The following GPC6 variants were observed in gnomAD, a reference collection of about 807,000 sequenced individuals.
The protein encoded by GPC6 is glypican-6.
A neutral mutation model predicts 55.2 loss-of-function variants in GPC6; 14 were observed. The ratio of observed to expected loss-of-function variants is 0.25; its 90% confidence interval spans 0.17 to 0.40. The LOEUF (loss-of-function observed/expected upper bound fraction) is 0.40, where lower values mean the gene tolerates loss of function less well. Ranked by LOEUF, GPC6 falls within the 10% of genes least tolerant of loss-of-function variation. The pLI is 1.00. For synonymous variants in GPC6, 278 were observed against 259.6 expected (o/e 1.07, Z -0.68); for missense variants, 641 against 708.5 (o/e 0.90, Z 1.08).
intron 2 of GPC6, among the ~76,000 whole-genome samples, chr13:93,710,080 C>T (rs1231671181): frequency 1.3e-5 from 2 of 151,758 alleles, no homozygotes; most frequent in Non-Finnish European, 2.9e-5. Context: ...GAAATACTTA[C>T]ATTCATGGAT....
At chr13:94,012,795 A>G (rs552519317) in intron 3 of GPC6, among the ~76,000 whole-genome samples, 2 of 152,232 alleles carry the variant, frequency 1.3e-5, no homozygotes, top group Non-Finnish European at 2.9e-5. Flanking sequence ...CAGATCCATT[A>G]TAAGTATGTA....
chr13:93,776,296 A>G (rs1301589992), intron 2 of GPC6, among the ~76,000 whole-genome samples: 1 of 152,206 alleles, frequency 6.6e-6, no homozygotes, highest in Non-Finnish European at 1.5e-5. Flanking sequence ...GTGCTGGCGC[A>G]GTTCTAAACA....
intron 1 of GPC6, among the ~76,000 whole-genome samples, chr13:93,308,826 A>G (rs536252959): frequency 3.7e-4 from 57 of 152,242 alleles, no homozygotes; most frequent in African/African-American, 1.3e-3. Flanking sequence ...CTAAGAAAAT[A>G]TTAGGAAGAA....
In GPC6 at chr13:93,936,110, G is replaced by T. The variant is rs184209579; in HGVS notation, c.712-91619G>T. ...CACTATACATAAGAACCAAAACATT[G>T]GGCGTCAGTGAGTGTTATATTTGGA... On this transcript the variant is annotated intron_variant, in intron 3 of 8. Coordinates refer to ENST00000377047, the MANE Select transcript of GPC6 (RefSeq NM_005708.5). Among the ~76,000 whole-genome samples, 343 of 152,186 alleles carry T rather than the reference G, an allele frequency of 2.3e-3. 3 individuals are homozygous for T. The highest frequency in any genetic ancestry group is 3.7e-3 in the Admixed American group (57 of 15,296).
At chr13:94,352,601 T>TC (rs1878606417) in intron 6 of GPC6, among the ~76,000 whole-genome samples, 1 of 152,116 alleles carries the variant, frequency 6.6e-6, no homozygotes, top group African/African-American at 2.4e-5. Context: ...GCTCTTTCCC[T>TC]CCCCCATACT....
intron 1 of GPC6, among the ~76,000 whole-genome samples, chr13:93,244,814 CTT>C (rs1876545690): frequency 1.3e-5 from 2 of 152,150 alleles, no homozygotes; most frequent in African/African-American, 4.8e-5. Flanking sequence ...CACTTTTTCT[CTT>C]GAGTTCCTCT....
chr13:93,816,465 G>T (rs1307303560), intron 2 of GPC6, among the ~76,000 whole-genome samples: 3 of 150,478 alleles, frequency 2.0e-5, no homozygotes, highest in Non-Finnish European at 4.4e-5. Flanking sequence ...TCCATGCTAC[G>T]TTGTTGTTAC....
intron 4 of GPC6, among the ~76,000 whole-genome samples, chr13:94,209,775 T>C (rs1248670411): frequency 1.3e-5 from 2 of 152,174 alleles, no homozygotes; most frequent in Non-Finnish European, 1.5e-5. Context: ...GTTGGATCTG[T>C]GTGTGACCTT....
At chr13:94,249,598 T>A (rs1216058448) in intron 4 of GPC6, among the ~76,000 whole-genome samples, 1 of 152,114 alleles carries the variant, frequency 6.6e-6, no homozygotes, top group African/African-American at 2.4e-5. Flanking sequence ...TATCCAAATT[T>A]TATGGAGGAA....
chr13:93,521,290 ATTTTC>A (rs993550927), intron 1 of GPC6, among the ~76,000 whole-genome samples: 59 of 151,826 alleles, frequency 3.9e-4, no homozygotes, highest in African/African-American at 1.4e-3. Context: ...GGGAAGATTT[ATTTTC>A]TTTTCTTTTC....
In GPC6 at chr13:93,607,229, G is replaced by T. The variant is rs545078050; in HGVS notation, c.319+61808G>T. Among the ~76,000 whole-genome samples the T allele has an allele frequency of 5.3e-5, 8 of 152,232 alleles. No homozygotes were observed. In the East Asian group the frequency reaches 1.4e-3, roughly 26 times the overall value. The stretch of plus-strand genomic sequence containing the variant: ...CTGAATACAATGTCTACTTTTATAT[G>T]ACTGTTACCCGCAATATATTTGTTT... On this transcript the variant is annotated intron_variant, in intron 2 of 8. Transcript: ENST00000377047.
intron 3 of GPC6, among the ~76,000 whole-genome samples, chr13:93,874,422 A>G (rs1889225665): frequency 6.6e-6 from 1 of 151,550 alleles, no homozygotes; most frequent in South Asian, 2.1e-4. Flanking sequence ...GTGTATATGT[A>G]CCATATTTTC....
intron 6 of GPC6, among the ~76,000 whole-genome samples, chr13:94,364,118 C>CTT (rs1879185409): frequency 1.3e-5 from 2 of 152,124 alleles, no homozygotes; most frequent in Admixed American, 6.5e-5. Flanking sequence ...ATATTGCTGC[C>CTT]TTCAGGCTCT....
At chr13:93,711,993 C>T (rs992007841) in intron 2 of GPC6, among the ~76,000 whole-genome samples, 4 of 151,642 alleles carry the variant, frequency 2.6e-5, no homozygotes, top group Non-Finnish European at 5.9e-5. Context: ...ATTGATTTTC[C>T]CTCCCTACTG....
At chr13:94,073,399 G>A (rs1884803228) in intron 4 of GPC6, among the ~76,000 whole-genome samples, 1 of 152,140 alleles carries the variant, frequency 6.6e-6, no homozygotes, top group Non-Finnish European at 1.5e-5. Flanking sequence ...CAGTGACAGA[G>A]CTCAGCACAA....
At chr13:93,760,678 A>G (rs957738669) in intron 2 of GPC6, among the ~76,000 whole-genome samples, 1 of 152,208 alleles carries the variant, frequency 6.6e-6, no homozygotes, top group Non-Finnish European at 1.5e-5. Context: ...TATGCTGTAT[A>G]TATACATGCC....
At chr13:93,689,112 T>G (rs1049344321) in intron 2 of GPC6, among the ~76,000 whole-genome samples, 4 of 152,010 alleles carry the variant, frequency 2.6e-5, no homozygotes, top group African/African-American at 9.7e-5. Flanking sequence ...TTTATTTTTA[T>G]TTTTATTTGG....
chr13:93,479,872 G>T (rs1879449816), intron 1 of GPC6, among the ~76,000 whole-genome samples: 1 of 152,264 alleles, frequency 6.6e-6, no homozygotes, highest in South Asian at 2.1e-4. Context: ...TTCTCATGGA[G>T]AGTGAGACAG....
intron 3 of GPC6, among the ~76,000 whole-genome samples, chr13:93,943,273 T>C (rs1263309189): frequency 2.0e-5 from 3 of 151,818 alleles, no homozygotes; most frequent in Non-Finnish European, 4.4e-5. Context: ...AGATGGGGAG[T>C]AGGGTCTAAA....
Sources: gnomAD v4.1 joint callset for allele counts (sites outside exome capture counted in the v4.1 genomes callset) on GRCh38, gnomAD v4.1.1 for gene constraint, MANE v1.5 for transcripts, NCBI Gene and HGNC (gene_info 2026-07-23, HGNC 2026-07-21) for gene names.